The following ATG4B variants were observed in gnomAD, a reference collection of about 807,000 sequenced individuals.
The protein encoded by ATG4B is autophagy related 4B cysteine peptidase.
In ATG4B, 29 loss-of-function variants were observed where a neutral mutation model predicts 56.6. The ratio of observed to expected loss-of-function variants is 0.51; its 90% CI spans 0.38 to 0.70. The LOEUF (loss-of-function observed/expected upper bound fraction) is 0.70. ATG4B is among the 30% of genes least tolerant of loss of function. The pLI, the probability that ATG4B is intolerant of heterozygous loss-of-function variation, is 0.00. For synonymous variants in ATG4B, 224 were observed against 206.1 expected (o/e 1.09, Z -0.74); for missense variants, 461 against 515.5 (o/e 0.89, Z 1.02).
intron 6 of ATG4B, among the ~76,000 whole-genome samples, chr2:241,656,903 C>G (rs1477977796): frequency 6.6e-6 from 1 of 152,250 alleles, no homozygotes; most frequent in Non-Finnish European, 1.5e-5. Context: ...CCAAGTGATT[C>G]TCCTGCCTCA....
chr2:241,644,960 A>G (rs1237715911), intron 1 of ATG4B, among the ~76,000 whole-genome samples: 1 of 151,700 alleles, frequency 6.6e-6, no homozygotes, highest in Non-Finnish European at 1.5e-5. Context: ...AAAAAAAAAA[A>G]GAAAGAAATT....
In ATG4B at chr2:241,651,298, A is replaced by G; in HGVS notation, c.147A>G (p.Arg49=). The G allele has an allele frequency of 1.2e-6, 2 of 1,602,596 alleles. No individual in the cohort carries two copies. Among genetic ancestry groups the G allele is most frequent in the South Asian group, 1.1e-5 (1 of 89,012 alleles). Residue 49 remains arginine (R), a synonymous_variant, in exon 3 of 13, where the codon AGA becomes AGG. Coordinates refer to ENST00000404914, the MANE Select transcript of ATG4B (RefSeq NM_013325.5). The surrounding 1 kb of genome is among the most constrained non-coding windows in gnomAD (Gnocchi z 4.1). The part of the protein sequence containing the change: ...KDEILSDVAS[R]LWFTYRKNFP... Reference sequence around the variant, plus strand: ...AGATCTTGTCTGATGTGGCATCTAGACTTTGGTTTACATACAGGAAAAACT... The same window carrying G: ...AGATCTTGTCTGATGTGGCATCTAGGCTTTGGTTTACATACAGGAAAAACT...
At position 241,653,524 on chromosome 2, in the gene ATG4B, C is replaced by T; in HGVS notation, c.197C>T (p.Pro66Leu). The change falls in exon 4 of 13, where the codon CCC becomes CTC. Residue 66 changes from proline (P) to leucine (L), a missense_variant. Transcript: ENST00000404914. ...KNFPAIGGTGPTSDTGWGCML... is the reference protein window; with the variant it reads ...KNFPAIGGTGLTSDTGWGCML... ...TCTGCCACGACAGGGGGGACAGGCC[C>T]CACCTCGGACACAGGCTGGGGCTGC... 7 of 1,580,584 alleles carry T rather than the reference C, an allele frequency of 4.4e-6. No homozygotes were observed. The highest frequency in any genetic ancestry group is 6.0e-6 in the Non-Finnish European group (7 of 1,163,280).
chr2:241,642,592 G>C (rs1397688236), intron 1 of ATG4B, among the ~76,000 whole-genome samples: 3 of 151,812 alleles, frequency 2.0e-5, no homozygotes, highest in Admixed American at 2.0e-4. Flanking sequence ...GTCCTCTCTG[G>C]TTGAATGAAG....
intron 1 of ATG4B, among the ~76,000 whole-genome samples, chr2:241,641,718 A>G (rs1437103967): frequency 6.6e-6 from 1 of 152,204 alleles, no homozygotes; most frequent in Non-Finnish European, 1.5e-5. Context: ...GTTTGGAGCT[A>G]AAAGAATAAG....
chr2:241,647,135 A>G (rs1051666345), intron 1 of ATG4B, among the ~76,000 whole-genome samples: 2 of 152,208 alleles, frequency 1.3e-5, no homozygotes, highest in Non-Finnish European at 2.9e-5. Flanking sequence ...TTTATTGGAC[A>G]TAATCCCATC....
intron 6 of ATG4B, among the ~76,000 whole-genome samples, chr2:241,657,868 A>T (rs529498962): frequency 6.6e-6 from 1 of 152,340 alleles, no homozygotes; most frequent in East Asian, 1.9e-4. Context: ...CTGCTGACTC[A>T]GGCGGGGCTC....
intron 1 of ATG4B, among the ~76,000 whole-genome samples, chr2:241,641,289 G>A (rs1232422450): frequency 6.6e-6 from 1 of 152,168 alleles, no homozygotes; most frequent in East Asian, 1.9e-4. Context: ...GGTGGCTCAC[G>A]CCTGTAATCC....
chr2:241,642,954 C>T (rs1365242403), intron 1 of ATG4B, among the ~76,000 whole-genome samples: 1 of 138,886 alleles, frequency 7.2e-6, no homozygotes, highest in Admixed American at 7.7e-5. Flanking sequence ...TCTATCTCAG[C>T]TCACTGCAGC....
At chr2:241,650,119 C>T (rs150499816) in intron 1 of ATG4B, among the ~76,000 whole-genome samples, 4,774 of 152,268 alleles carry the variant, frequency 0.031, 107 homozygotes, top group Non-Finnish European at 0.051. Flanking sequence ...AGTAAGATGG[C>T]ATGCAGGGCT....
intron 10 of ATG4B, among the ~76,000 whole-genome samples, chr2:241,669,863 G>C (rs1418480857): frequency 6.6e-6 from 1 of 152,166 alleles, no homozygotes; most frequent in Non-Finnish European, 1.5e-5. Context: ...CTAGAATTAG[G>C]TATGTTTGTT....
At chr2:241,670,354 G>T (rs530425734) in intron 10 of ATG4B, among the ~76,000 whole-genome samples, 1 of 152,244 alleles carries the variant, frequency 6.6e-6, no homozygotes, top group African/African-American at 2.4e-5. Context: ...CTGGGCGAAG[G>T]CTGAGACCCA....
At chr2:241,657,819 A>G (rs1023445473) in intron 6 of ATG4B, among the ~76,000 whole-genome samples, 4 of 152,118 alleles carry the variant, frequency 2.6e-5, no homozygotes, top group Non-Finnish European at 4.4e-5. Flanking sequence ...CATAAAACAT[A>G]TTGGCCACTG....
chr2:241,658,065 G>A (rs533972902), intron 6 of ATG4B, among the ~76,000 whole-genome samples: 5 of 152,318 alleles, frequency 3.3e-5, no homozygotes, highest in South Asian at 2.1e-4. Context: ...GCCACTCCCC[G>A]TTCCTGCGTT....
chr2:241,657,004 A>G (rs1024877159), intron 6 of ATG4B, among the ~76,000 whole-genome samples: 13 of 143,758 alleles, frequency 9.0e-5, no homozygotes, highest in African/African-American at 3.4e-4. Context: ...AGTCTAGCTC[A>G]GTAGCCTGGG....
At chr2:241,666,903 T>G in intron 8 of ATG4B, 65 bp downstream of exon 8, 1 of 1,503,834 alleles carries the variant, frequency 6.6e-7, no homozygotes, top group South Asian at 1.2e-5. Flanking sequence ...TTAGTCACTT[T>G]CAGCGCATCG....
intron 11 of ATG4B, 87 bp from the exon 12 acceptor site, chr2:241,671,225 C>G (rs112749497): frequency 8.4e-7 from 1 of 1,196,612 alleles, no homozygotes; most frequent in Admixed American, 2.0e-5. Flanking sequence ...CAGGTTTGTC[C>G]GCTGGCTGTG....
intron 7 of ATG4B, among the ~76,000 whole-genome samples, chr2:241,662,551 C>T (rs1457741821): frequency 6.6e-6 from 1 of 152,210 alleles, no homozygotes; most frequent in Non-Finnish European, 1.5e-5. Context: ...TGGTAGGTCA[C>T]ACACTCAGTG....
chr2:241,658,107 C>T (rs768194976), intron 6 of ATG4B, among the ~76,000 whole-genome samples: 10 of 152,244 alleles, frequency 6.6e-5, no homozygotes, highest in African/African-American at 9.6e-5. Context: ...CACCGGCCCA[C>T]GTGGCTGCTG....
Sources: allele counts gnomAD v4.1 joint callset (sites outside exome capture counted in the v4.1 genomes callset), GRCh38; gene constraint gnomAD v4.1.1; non-coding constraint Gnocchi (gnomAD v3.1); transcripts MANE v1.5; gene names NCBI Gene and HGNC (gene_info 2026-07-23, HGNC 2026-07-21).